Variants in APBB1IP observed in about 807,000 individuals in gnomAD.
The protein encoded by APBB1IP is amyloid beta precursor protein binding family B member 1 interacting protein.
A neutral mutation model predicts 64.9 loss-of-function variants in APBB1IP; 27 were observed. The ratio of observed to expected loss-of-function variants is 0.42; its 90% CI spans 0.31 to 0.57. APBB1IP has a LOEUF of 0.57. Among genes scored for constraint, APBB1IP ranks in the 20% least tolerant of loss-of-function variants. The pLI is 0.20. For missense variants in APBB1IP, 812 were observed against 845.5 expected, an observed-to-expected ratio of 0.96 and a Z score of 0.49; for synonymous variants, 392 against 331.0, an observed-to-expected ratio of 1.18 and a Z score of -2.00.
intron 2 of APBB1IP, among the ~76,000 whole-genome samples, chr10:26,443,285 A>G (rs898520281): frequency 2.3e-4 from 35 of 152,014 alleles, no homozygotes; most frequent in Non-Finnish European, 4.6e-4. Flanking sequence ...TTAGCCTGGC[A>G]TGGTGGTGCA....
intron 2 of APBB1IP, among the ~76,000 whole-genome samples, chr10:26,442,443 T>G (rs915494120): frequency 1.3e-5 from 2 of 152,236 alleles, no homozygotes; most frequent in Non-Finnish European, 2.9e-5. Context: ...GGGATCTTTT[T>G]GATTTAGTTT....
At chr10:26,450,831 G>A (rs1382908238) in intron 2 of APBB1IP, among the ~76,000 whole-genome samples, 4 of 152,086 alleles carry the variant, frequency 2.6e-5, no homozygotes, top group Non-Finnish European at 5.9e-5. Context: ...AAGTAGCTGG[G>A]ACTACAGGCA....
At chr10:26,480,822 T>C (rs1835826609) in intron 2 of APBB1IP, among the ~76,000 whole-genome samples, 2 of 151,946 alleles carry the variant, frequency 1.3e-5, no homozygotes, top group Non-Finnish European at 2.9e-5. Flanking sequence ...AAAAGTCCAG[T>C]TGAGATAGAT....
chr10:26,460,184 TA>T (rs1325602978), intron 2 of APBB1IP, among the ~76,000 whole-genome samples: 2 of 152,126 alleles, frequency 1.3e-5, no homozygotes, highest in African/African-American at 2.4e-5. Flanking sequence ...AACAAATAAA[TA>T]AACAAATAAA....
At chr10:26,541,961 G>A (rs756835369) in intron 11 of APBB1IP, among the ~76,000 whole-genome samples, 2 of 152,030 alleles carry the variant, frequency 1.3e-5, no homozygotes, top group Non-Finnish European at 2.9e-5. Flanking sequence ...AATTTATAAT[G>A]TTATCGATAA....
rs535190399 is a variant in APBB1IP, at chr10:26,480,620, C to CTTT, written c.1-11683_1-11681dup. On this transcript the variant is annotated intron_variant, in intron 2 of 14. Transcript: ENST00000376236. ...TAATATTGGAATGGTTGAGCTGCTT[C>CTTT]TTTTTTTTTTTTTTTTTTTTTTTTT... Among the ~76,000 whole-genome samples, 31 of 83,944 alleles carry CTTT rather than the reference C, an allele frequency of 3.7e-4. 1 individual carries two copies. Among genetic ancestry groups the CTTT allele is most frequent in the Admixed American group, 5.3e-4 (4 of 7,570 alleles). 55.1% of individuals were successfully genotyped at this position (83,944 alleles called of 152,430 possible).
intron 2 of APBB1IP, among the ~76,000 whole-genome samples, chr10:26,449,177 A>C: frequency 6.6e-6 from 1 of 152,208 alleles, no homozygotes; most frequent in Non-Finnish European, 1.5e-5. Context: ...CCAGTGGCTT[A>C]GTCTTTTAAA....
rs941202349 is a variant in APBB1IP, at chr10:26,501,472, A to G, written c.453+361A>G. 1.5e-5 allele frequency: 6 copies of G among 392,682 alleles called. No individual in the cohort carries two copies. In the Admixed American group the frequency reaches 2.4e-4, roughly 16 times the overall value. The allele number at this position is 392,682 out of a possible 1,614,324, so 24.3% of individuals were successfully genotyped here. A position where few individuals can be genotyped will look rare whatever the true frequency, so the allele number is the denominator to read the frequency against. On this transcript the variant is annotated intron_variant, in intron 5 of 14. Transcript: ENST00000376236. ...TCCCTGTTCTTAGCTCAGTACATAG[A>G]GAATAGAAGGCATTCATTATACATT...
At chr10:26,488,206 A>G (rs904534809) in intron 2 of APBB1IP, among the ~76,000 whole-genome samples, 2 of 152,006 alleles carry the variant, frequency 1.3e-5, no homozygotes, top group South Asian at 2.1e-4. Context: ...CATGGAGATA[A>G]TATCTACTTA....
chr10:26,500,975 G>C lies in APBB1IP; in HGVS notation c.317G>C (p.Gly106Ala). 6.2e-7 allele frequency: 1 copy of C among 1,614,108 alleles called. No individual in the cohort carries two copies. Among genetic ancestry groups the C allele is most frequent in the Non-Finnish European group, 8.5e-7 (1 of 1,180,016 alleles). Residue 106 changes from glycine (G) to alanine (A), a missense_variant, in exon 5 of 15, where the codon GGT becomes GCT. Gly to Ala is a moderately conservative substitution (Grantham distance 60, BLOSUM62 0). Coordinates refer to ENST00000376236, the MANE Select transcript of APBB1IP (RefSeq NM_019043.4). ...SASLQASIFSGAASLGYGTNV... is the reference protein window; with the variant it reads ...SASLQASIFSAAASLGYGTNV... ...TCTCTACAAGCATCAATTTTCAGTG[G>C]TGCAGCCTCTCTTGGTTATGGAACA...
At chr10:26,526,194 G>A (rs1387107090) in intron 8 of APBB1IP, among the ~76,000 whole-genome samples, 1 of 152,140 alleles carries the variant, frequency 6.6e-6, no homozygotes, top group South Asian at 2.1e-4. Flanking sequence ...TGGTATTAAC[G>A]TAAGCCATTC....
chr10:26,508,404 A>C (rs547887564), intron 6 of APBB1IP, among the ~76,000 whole-genome samples: 379 of 152,020 alleles, frequency 2.5e-3, no homozygotes, highest in African/African-American at 8.0e-3. Flanking sequence ...GCAAAAAAAA[A>C]CAAAAAAAAC....
At position 26,541,221 on chromosome 10, in the gene APBB1IP, G is replaced by A. The variant is rs573433813; in HGVS notation, c.1045-361G>A. 5.3e-5 allele frequency among the ~76,000 whole-genome samples: 8 copies of A among 152,136 alleles called. No homozygotes were observed. In the South Asian group the frequency reaches 1.0e-3, roughly 20 times the overall value. On this transcript the variant is annotated intron_variant, in intron 10 of 14. Transcript: ENST00000376236. ...AATAATAATTGTACATATGCATAAC[G>A]TACATAGTGATGTTTTGATACATAT... is the stretch of plus-strand genomic sequence containing the variant.
intron 10 of APBB1IP, among the ~76,000 whole-genome samples, chr10:26,536,901 G>T (rs1023900464): frequency 8.6e-5 from 13 of 151,846 alleles, no homozygotes; most frequent in Admixed American, 8.5e-4. Flanking sequence ...ATGAGTCACC[G>T]CACCCAGCTC....
intron 11 of APBB1IP, among the ~76,000 whole-genome samples, chr10:26,543,079 G>T (rs1836716158): frequency 6.6e-6 from 1 of 151,018 alleles, no homozygotes; most frequent in Non-Finnish European, 1.5e-5. Flanking sequence ...ACCTGCCCTA[G>T]ACAGAAGAGC....
intron 2 of APBB1IP, among the ~76,000 whole-genome samples, chr10:26,454,377 G>A (rs1464244797): frequency 1.3e-5 from 2 of 152,136 alleles, no homozygotes; most frequent in African/African-American, 4.8e-5. Flanking sequence ...GGAGGCAGAG[G>A]TTGCAGGATT....
chr10:26,558,569 C>T (rs1348764605), intron 11 of APBB1IP, among the ~76,000 whole-genome samples: 5 of 150,762 alleles, frequency 3.3e-5, no homozygotes, highest in Admixed American at 1.3e-4. Flanking sequence ...TCACTTGAGC[C>T]CGGGGTTTCA....
chr10:26,559,990 T>C, intron 11 of APBB1IP, 115 bp from the exon 12 acceptor site: 1 of 803,942 alleles, frequency 1.2e-6, no homozygotes, highest in Non-Finnish European at 2.1e-6. Flanking sequence ...ACCAGTAATT[T>C]TTGCCACATA....
intron 2 of APBB1IP, among the ~76,000 whole-genome samples, chr10:26,456,233 A>G (rs1355860137): frequency 6.6e-6 from 1 of 152,222 alleles, no homozygotes. Context: ...GGATTGTTTC[A>G]TTTCACCTGC....
Sources: allele counts gnomAD v4.1 joint callset (sites outside exome capture counted in the v4.1 genomes callset), GRCh38; gene constraint gnomAD v4.1.1; transcripts MANE v1.5; gene names NCBI Gene and HGNC (gene_info 2026-07-23, HGNC 2026-07-21).